UQCC1: variants seen among roughly 807,000 people sequenced by gnomAD.
UQCC1 encodes the protein bFGF-repressed Zic-binding protein.
UQCC1 carries 38 observed loss-of-function variants against 48.0 expected under a neutral mutation model. That is an observed-to-expected ratio of 0.79 (90% CI 0.61 to 1.04). The LOEUF is 1.04. Ranked by LOEUF, UQCC1 falls within the 50% of genes least tolerant of loss-of-function variation. The pLI, the probability that UQCC1 is intolerant of heterozygous loss-of-function variation, is 0.00. For missense variants in UQCC1, 368 were observed against 381.8 expected, an observed-to-expected ratio of 0.96 and a Z score of 0.30; for synonymous variants, 111 against 129.2, an observed-to-expected ratio of 0.86 and a Z score of 0.95.
intron 5 of UQCC1, among the ~76,000 whole-genome samples, chr20:35,371,699 G>GAAAAAAAAAAAAAAAAAAAA (rs57335287): frequency 3.3e-5 from 3 of 92,234 alleles, no homozygotes; most frequent in African/African-American, 4.4e-5. Context: ...GGCACTTAAA[G>GAAAAAAAAAAAAAAAAAAAA]AAAAAAAAAA....
intron 1 of UQCC1, 105 bp from the exon 2 acceptor site, chr20:35,394,301 T>C: frequency 9.5e-7 from 1 of 1,058,124 alleles, no homozygotes; most frequent in Non-Finnish European, 1.4e-6. Flanking sequence ...AATATATATT[T>C]GGCCTTCATC....
intron 8 of UQCC1, among the ~76,000 whole-genome samples, chr20:35,314,459 T>C (rs2061034183): frequency 6.6e-6 from 1 of 152,172 alleles, no homozygotes; most frequent in Non-Finnish European, 1.5e-5. Context: ...ACTAGTTGAA[T>C]GGTTTGACCA....
chr20:35,381,003 T>C (rs2061859809), intron 4 of UQCC1, among the ~76,000 whole-genome samples: 1 of 152,224 alleles, frequency 6.6e-6, no homozygotes, highest in African/African-American at 2.4e-5. Context: ...CAACCTGTTC[T>C]AGGAGATAAG....
chr20:35,339,992 G>A (rs935127981), intron 7 of UQCC1, among the ~76,000 whole-genome samples: 6 of 152,002 alleles, frequency 3.9e-5, no homozygotes, highest in African/African-American at 1.2e-4. Flanking sequence ...GAACAAGCAC[G>A]TTCTCCTATG....
intron 2 of UQCC1, among the ~76,000 whole-genome samples, chr20:35,386,783 A>G (rs1481017920): frequency 1.3e-5 from 2 of 151,532 alleles, no homozygotes; most frequent in Non-Finnish European, 2.9e-5. Context: ...TTTCTATCCT[A>G]CCATTAGCTA....
At chr20:35,380,261 A>G (rs1438768491) in intron 4 of UQCC1, among the ~76,000 whole-genome samples, 1 of 152,194 alleles carries the variant, frequency 6.6e-6, no homozygotes, top group African/African-American at 2.4e-5. Flanking sequence ...AACAATTATC[A>G]AGTGTCAAAA....
At chr20:35,341,236 AAAG>A (rs1346008436) in intron 7 of UQCC1, among the ~76,000 whole-genome samples, 6 of 150,204 alleles carry the variant, frequency 4.0e-5, no homozygotes, top group African/African-American at 1.5e-4. Context: ...AAAAAAAAAA[AAAG>A]AAAGAAAGAA....
chr20:35,358,636 T>G (rs945085649), intron 6 of UQCC1, among the ~76,000 whole-genome samples: 4 of 152,106 alleles, frequency 2.6e-5, no homozygotes, highest in Non-Finnish European at 5.9e-5. Flanking sequence ...ATTGGCTCAC[T>G]GCAATCTCTG....
chr20:35,322,785 C>T (rs1046612669), intron 7 of UQCC1, among the ~76,000 whole-genome samples: 2 of 152,132 alleles, frequency 1.3e-5, no homozygotes, highest in Non-Finnish European at 2.9e-5. Context: ...GTAGTCAAAT[C>T]ACATCCTGCT....
At position 35,369,647 on chromosome 20, in the gene UQCC1, A is replaced by G. The variant is rs541231826; in HGVS notation, c.407-3033T>C. On this transcript the variant is annotated intron_variant, in intron 5 of 9. Transcript: ENST00000374385. ...AAAATTACTCAATTTTCTTCTCTGT[A>G]AAAATGAGAAAAACAAGATAACTGA... 9.2e-5 allele frequency among the ~76,000 whole-genome samples: 14 copies of G among 152,336 alleles called. No individual in the cohort carries two copies. In the South Asian group the frequency reaches 2.9e-3, roughly 32 times the overall value.
At chr20:35,322,390 C>A (rs565516035) in intron 7 of UQCC1, among the ~76,000 whole-genome samples, 1 of 152,278 alleles carries the variant, frequency 6.6e-6, no homozygotes, top group East Asian at 1.9e-4. Flanking sequence ...GAGCTCACAG[C>A]CAAAATGCTA....
intron 7 of UQCC1, among the ~76,000 whole-genome samples, chr20:35,330,043 C>G (rs898591811): frequency 6.6e-6 from 1 of 152,206 alleles, no homozygotes; most frequent in African/African-American, 2.4e-5. Context: ...TGTGAGTTCA[C>G]TCACTCATTC....
chr20:35,388,379 C>A (rs112435914), intron 2 of UQCC1, among the ~76,000 whole-genome samples: 1 of 147,106 alleles, frequency 6.8e-6, no homozygotes, highest in East Asian at 2.0e-4. Context: ...CAACTTTGAC[C>A]CCCCCAGACT....
intron 7 of UQCC1, among the ~76,000 whole-genome samples, chr20:35,320,503 C>A (rs1221897570): frequency 1.3e-5 from 2 of 152,208 alleles, no homozygotes; most frequent in Non-Finnish European, 2.9e-5. Flanking sequence ...CTTCCTGTGC[C>A]CCACAGCTCA....
chr20:35,347,118 C>T, intron 7 of UQCC1, 46 bp downstream of exon 7: 1 of 1,614,182 alleles, frequency 6.2e-7, no homozygotes, highest in Non-Finnish European at 8.5e-7. Flanking sequence ...AACTCAAACC[C>T]TTCTCTGGAA....
intron 7 of UQCC1, among the ~76,000 whole-genome samples, chr20:35,338,910 G>T (rs1176691327): frequency 1.2e-4 from 4 of 33,576 alleles, no homozygotes; most frequent in Non-Finnish European, 1.8e-4. Flanking sequence ...TATATATATG[G>T]AGAGATTTTT....
intron 7 of UQCC1, among the ~76,000 whole-genome samples, chr20:35,329,268 C>T (rs2061230781): frequency 6.6e-6 from 1 of 152,052 alleles, no homozygotes; most frequent in Non-Finnish European, 1.5e-5. Context: ...GGCAGGAGGA[C>T]CAGTGAAGAA....
At chr20:35,370,211 A>G (rs981182233) in intron 5 of UQCC1, among the ~76,000 whole-genome samples, 1 of 151,760 alleles carries the variant, frequency 6.6e-6, no homozygotes, top group African/African-American at 2.4e-5. Context: ...GAAGCAATAT[A>G]TATATACTGC....
At chr20:35,357,862 C>T (rs1045837312) in intron 6 of UQCC1, among the ~76,000 whole-genome samples, 5 of 152,100 alleles carry the variant, frequency 3.3e-5, no homozygotes, top group Non-Finnish European at 5.9e-5. Context: ...ATACAGCTCA[C>T]TTTAACTCAC....
Sources: gnomAD v4.1 joint callset for allele counts (sites outside exome capture counted in the v4.1 genomes callset) on GRCh38, gnomAD v4.1.1 for gene constraint, MANE v1.5 for transcripts, NCBI Gene and HGNC (gene_info 2026-07-23, HGNC 2026-07-21) for gene names.